The following NDUFA10 variants were observed in gnomAD, a reference collection of about 807,000 sequenced individuals.
NDUFA10 encodes NADH dehydrogenase [ubiquinone] 1 alpha subcomplex subunit 10, mitochondrial.
NDUFA10 carries 40 observed loss-of-function variants against 47.8 expected under a neutral mutation model. That is an observed-to-expected ratio of 0.84 (90% CI 0.65 to 1.09). The LOEUF (loss-of-function observed/expected upper bound fraction) is 1.09, where lower values mean the gene tolerates loss of function less well. Ranked by LOEUF, NDUFA10 falls within the 50% of genes least tolerant of loss-of-function variation. The pLI is 0.00. For missense variants in NDUFA10, 413 were observed against 451.1 expected, an observed-to-expected ratio of 0.92 and a Z score of 0.76; for synonymous variants, 183 against 172.2, an observed-to-expected ratio of 1.06 and a Z score of -0.49.
chr2:239,959,320 G>C lies in NDUFA10; in HGVS notation c.*1798C>G. On this transcript the variant is annotated 3_prime_UTR_variant, in exon 10 of 10. Transcript: ENST00000252711. ...CACAGGGCAGACCTGCCCTCTCACT[G>C]CTGAGGACACTACCCGTGCAACCAC... The C allele has an allele frequency of 1.0e-6, 1 of 985,462 alleles. No homozygotes were observed. The highest frequency in any genetic ancestry group is 1.2e-6 in the Non-Finnish European group (1 of 829,954). 61.0% of individuals were successfully genotyped at this position (985,462 alleles called of 1,614,324 possible).
chr2:239,910,436 G>A lies in NDUFA10; in HGVS notation c.295-15122C>T, dbSNP rs181396561. Among the ~76,000 whole-genome samples the A allele has an allele frequency of 3.4e-3, 514 of 152,292 alleles. 2 individuals are homozygous for A. The highest frequency in any genetic ancestry group is 0.011 in the African/African-American group (474 of 41,556). ...TGCAGGGACATGGGTGGAGCTGGAA[G>A]CCATCATCCTCAGTCAAACTAATGC... is the stretch of plus-strand genomic sequence containing the variant. On this transcript the variant is annotated intron_variant, in intron 4 of 5. Transcript: ENST00000419408.
chr2:240,020,592 T>C (rs995518396), intron 3 of NDUFA10, among the ~76,000 whole-genome samples: 1 of 152,180 alleles, frequency 6.6e-6, no homozygotes, highest in Non-Finnish European at 1.5e-5. Context: ...AACTATACTT[T>C]CTGATCCCTG....
At position 239,987,718 on chromosome 2, in the gene NDUFA10, G is replaced by T. The variant is rs1049907494; in HGVS notation, c.999+2356C>A. On this transcript the variant is annotated intron_variant, in intron 9 of 9. Transcript: ENST00000252711. The surrounding 1 kb of genome is among the most constrained non-coding windows in gnomAD (Gnocchi z 4.8). ...ATGCAGGCGCAGCGCCCAGGGAAGG[G>T]GTGGGCAGCCGTGGGGCGAATGCGC... Among the ~76,000 whole-genome samples, 1 of 152,218 alleles carries T rather than the reference G, an allele frequency of 6.6e-6. No homozygotes were observed. The highest frequency in any genetic ancestry group is 1.5e-5 in the Non-Finnish European group (1 of 68,038).
At chr2:239,963,797 A>C (rs1410373963) in intron 9 of NDUFA10, among the ~76,000 whole-genome samples, 1 of 152,210 alleles carries the variant, frequency 6.6e-6, no homozygotes, top group Non-Finnish European at 1.5e-5. Flanking sequence ...ACAAGAGAAG[A>C]GGCCAAAGAG....
At chr2:240,024,643 A>T (rs974297708) in intron 1 of NDUFA10, among the ~76,000 whole-genome samples, 5 of 152,240 alleles carry the variant, frequency 3.3e-5, no homozygotes, top group Admixed American at 3.3e-4. Context: ...TGCACATTTT[A>T]AAAAACGCAT....
Position 239,917,883 on chromosome 2 carries a change from A to G in NDUFA10, c.295-22569T>C, listed in dbSNP as rs1337569233. ...ACAAGAGCCCCTCTGGGAAGATGGC[A>G]GCTATGGCAGGTACCAGTGACATGT... On this transcript the variant is annotated intron_variant, in intron 4 of 5. Coordinates refer to the NDUFA10 transcript ENST00000419408. Among the ~76,000 whole-genome samples the G allele has an allele frequency of 2.6e-5, 4 of 152,204 alleles. No individual in the cohort carries two copies. In the East Asian group the frequency reaches 7.7e-4, roughly 29 times the overall value.
At chr2:239,897,231 T>C (rs1323760700) in intron 4 of NDUFA10, among the ~76,000 whole-genome samples, 5 of 152,232 alleles carry the variant, frequency 3.3e-5, no homozygotes, top group Non-Finnish European at 7.3e-5. Context: ...ATGTTCTTTC[T>C]TGAAGATGTA....
downstream of NDUFA10, among the ~76,000 whole-genome samples, chr2:239,956,277 C>T (rs902426565): frequency 2.6e-5 from 4 of 152,168 alleles, no homozygotes; most frequent in Non-Finnish European, 5.9e-5. Context: ...AAAAGTCTGA[C>T]GCACGGTGAT....
At chr2:239,989,923 G>C (rs1574855393) in intron 9 of NDUFA10, 151 bp downstream of exon 9, 1 of 683,646 alleles carries the variant, frequency 1.5e-6, no homozygotes, top group Non-Finnish European at 2.6e-6. Context: ...ACGGGGAAAA[G>C]GGAGAATTAT....
At chr2:239,902,052 T>C (rs1275165909) in intron 4 of NDUFA10, among the ~76,000 whole-genome samples, 1 of 152,204 alleles carries the variant, frequency 6.6e-6, no homozygotes, top group African/African-American at 2.4e-5. Flanking sequence ...TGACCGTTGT[T>C]GAAATGACAA....
At chr2:240,018,736 T>C in intron 3 of NDUFA10, 97 bp from the exon 4 acceptor site, 1 of 1,288,622 alleles carries the variant, frequency 7.8e-7, no homozygotes, top group Non-Finnish European at 1.1e-6. Context: ...ATAACAATCA[T>C]TTACAATTCC....
At chr2:239,988,745 C>A (rs1696108221) in intron 9 of NDUFA10, among the ~76,000 whole-genome samples, 1 of 152,242 alleles carries the variant, frequency 6.6e-6, no homozygotes, top group African/African-American at 2.4e-5. Context: ...GCAAGCAAAG[C>A]ACCAGCTACA....
intron 4 of NDUFA10, among the ~76,000 whole-genome samples, chr2:240,015,120 T>A (rs948960253): frequency 2.6e-5 from 4 of 152,220 alleles, no homozygotes; most frequent in Admixed American, 1.3e-4. Flanking sequence ...CTCCACTGTA[T>A]TTACAAACCA....
Position 239,961,201 on chromosome 2 carries a change from GGCATTGGT to G in NDUFA10, c.1000-23_1000-16del, listed in dbSNP as rs1694840399. ...CGGCCCGGCAGCTGTGGGGGAAAAAGGCATTGGTGCATTCTGTTTAACGTGAATGAATG... is the reference window on the plus strand; with the variant it reads ...CGGCCCGGCAGCTGTGGGGGAAAAAGGCATTCTGTTTAACGTGAATGAATG... On this transcript the variant is annotated splice_polypyrimidine_tract_variant and intron_variant, in intron 9 of 9. Transcript: ENST00000252711. The G allele has an allele frequency of 3.7e-6, 6 of 1,614,182 alleles. No homozygotes were observed. The highest frequency in any genetic ancestry group is 5.1e-6 in the Non-Finnish European group (6 of 1,180,014).
rs1443287862 is a variant in NDUFA10, at chr2:239,959,839, G to C, written c.*1279C>G. ...GGAGGGAAGGAGGAGGAAAGAAGGA[G>C]GGAAGGAAGGGGAGAGGGAAAAAGG... On this transcript the variant is annotated 3_prime_UTR_variant, in exon 10 of 10. Coordinates refer to ENST00000252711, the MANE Select transcript of NDUFA10 (RefSeq NM_004544.4). 3 of 945,262 alleles carry C rather than the reference G, an allele frequency of 3.2e-6. No homozygotes were observed. Among genetic ancestry groups the C allele is most frequent in the Non-Finnish European group, 3.8e-6 (3 of 793,680 alleles). The allele number at this position is 945,262 out of a possible 1,614,324, so 58.6% of individuals were successfully genotyped here.
chr2:239,950,621 CA>C lies in NDUFA10; in HGVS notation c.294+39452del, dbSNP rs576355064. Among the ~76,000 whole-genome samples, 9 of 152,336 alleles carry C rather than the reference CA, an allele frequency of 5.9e-5. No homozygotes were observed. The South Asian group carries it at 1.9e-3, about 32-fold the overall frequency. ...TAGCGTCAGGATTTTAAGGTAAAAT[CA>C]AAGCAAACCAACTGCTGATTGAGCG... On this transcript the variant is annotated intron_variant, in intron 4 of 5. Transcript: ENST00000419408.
intron 9 of NDUFA10, among the ~76,000 whole-genome samples, chr2:239,967,989 C>CACACACACAT (rs774881302): frequency 2.7e-5 from 4 of 150,390 alleles, no homozygotes; most frequent in Non-Finnish European, 5.9e-5. Context: ...TACACACACA[C>CACACACACAT]ACACACACAC....
chr2:239,998,954 C>A (rs868251151), intron 8 of NDUFA10, among the ~76,000 whole-genome samples: 1 of 152,172 alleles, frequency 6.6e-6, no homozygotes, highest in African/African-American at 2.4e-5. Context: ...ACAGAGGGAG[C>A]CCCCAAGGCT....
In NDUFA10 at chr2:239,985,911, CAAAAAA is replaced by C. The variant is rs34928768; in HGVS notation, c.999+4157_999+4162del. On this transcript the variant is annotated intron_variant, in intron 9 of 9. Coordinates refer to ENST00000252711, the MANE Select transcript of NDUFA10 (RefSeq NM_004544.4). Reference sequence around the variant, plus strand: ...GGGTGACAAGAGTGAGATTCTGTCTCAAAAAAAAAAAAAAAAAAAAAAGTGCTACAG... The same window carrying C: ...GGGTGACAAGAGTGAGATTCTGTCTCAAAAAAAAAAAAAAAAGTGCTACAG... 4.1e-3 allele frequency among the ~76,000 whole-genome samples: 378 copies of C among 91,834 alleles called. 1 individual carries two copies. The highest frequency in any genetic ancestry group is 6.0e-3 in the Non-Finnish European group (272 of 45,018). 60.2% of individuals were successfully genotyped at this position (91,834 alleles called of 152,430 possible).
Sources: allele counts gnomAD v4.1 joint callset (sites outside exome capture counted in the v4.1 genomes callset), GRCh38; gene constraint gnomAD v4.1.1; non-coding constraint Gnocchi (gnomAD v3.1); transcripts MANE v1.5; gene names NCBI Gene and HGNC (gene_info 2026-07-23, HGNC 2026-07-21).